Variants in CCDC186 observed in about 807,000 individuals in gnomAD.
CCDC186 encodes coiled-coil domain-containing protein 186.
A neutral mutation model predicts 113.7 loss-of-function variants in CCDC186; 49 were observed. The ratio of observed to expected loss-of-function variants is 0.43; its 90% CI spans 0.34 to 0.55. The LOEUF is 0.55. Among genes scored for constraint, CCDC186 ranks in the 20% least tolerant of loss-of-function variants. The pLI is 0.02. For synonymous variants in CCDC186, 355 were observed against 345.8 expected (o/e 1.03, Z -0.30); for missense variants, 890 against 1,011.1 (o/e 0.88, Z 1.62).
intron 1 of CCDC186, among the ~76,000 whole-genome samples, chr10:114,167,588 G>A (rs546651685): frequency 6.6e-6 from 1 of 152,024 alleles, no homozygotes; most frequent in Non-Finnish European, 1.5e-5. Flanking sequence ...AGCCGTCATC[G>A]AGGCTACTAA....
At chr10:114,131,734 A>C (rs1307882321) in intron 11 of CCDC186, among the ~76,000 whole-genome samples, 195 bp downstream of exon 11, 3 of 152,182 alleles carry the variant, frequency 2.0e-5, no homozygotes, top group Non-Finnish European at 4.4e-5. Flanking sequence ...TATTATTCAT[A>C]ATCATTTTAG....
Position 114,165,346 on chromosome 10 carries a change from TCAAA to T in CCDC186, c.-61-2021_-61-2018del, listed in dbSNP as rs371595009. 3.8e-3 allele frequency among the ~76,000 whole-genome samples: 586 copies of T among 152,332 alleles called. 3 individuals carry two copies. The highest frequency in any genetic ancestry group is 0.013 in the African/African-American group (548 of 41,580). On this transcript the variant is annotated intron_variant, in intron 1 of 15. Transcript: ENST00000369287. ...AATCTAGGACAAAATAAAATAATTC[TCAAA>T]CAGAGGCACTGCCACCTACATTACC... is the stretch of plus-strand genomic sequence containing the variant.
chr10:114,164,109 TATATA>T (rs1283623999), intron 1 of CCDC186, among the ~76,000 whole-genome samples: 9 of 133,310 alleles, frequency 6.8e-5, no homozygotes, highest in African/African-American at 2.3e-4. Flanking sequence ...TGTGTATATA[TATATA>T]TTTTTTTTTT....
chr10:114,137,323 T>TACAGCAA, intron 6 of CCDC186, 33 bp from the exon 7 acceptor site: 1 of 1,509,144 alleles, frequency 6.6e-7, no homozygotes, highest in Non-Finnish European at 9.2e-7. Context: ...CACAGTTGGG[T>TACAGCAA]ACAGCAACGT....
Position 114,122,413 on chromosome 10 carries a change from T to C in CCDC186, c.*2730A>G, listed in dbSNP as rs1470121056. 7 of 152,150 alleles carry C rather than the reference T, an allele frequency of 4.6e-5. No homozygotes were observed. The highest frequency in any genetic ancestry group is 7.4e-5 in the Non-Finnish European group (5 of 68,020). 9.4% of individuals were successfully genotyped at this position (152,150 alleles called of 1,614,324 possible). On this transcript the variant is annotated 3_prime_UTR_variant, in exon 16 of 16. Coordinates refer to ENST00000369287, the MANE Select transcript of CCDC186 (RefSeq NM_018017.4). Reference sequence around the variant, plus strand: ...AAACTAAACAGGCTAAAGTCTGAAGTGGTATGGGGAAAATGGAGTCATGGC... The same window carrying C: ...AAACTAAACAGGCTAAAGTCTGAAGCGGTATGGGGAAAATGGAGTCATGGC...
Position 114,124,499 on chromosome 10 carries a change from A to C in CCDC186, c.*644T>G, listed in dbSNP as rs1187242552. The C allele has an allele frequency of 6.6e-6, 1 of 152,208 alleles. No homozygotes were observed. Among genetic ancestry groups the C allele is most frequent in the Non-Finnish European group, 1.5e-5 (1 of 68,030 alleles). The allele number at this position is 152,208 out of a possible 1,614,324, so 9.4% of individuals were successfully genotyped here. ...ACTTTAAAAATTCAACCATTAACTC[A>C]AACAATCAGAATCTGAAAAAATGTA... is the stretch of plus-strand genomic sequence containing the variant. On this transcript the variant is annotated 3_prime_UTR_variant, in exon 16 of 16. Coordinates refer to ENST00000369287, the MANE Select transcript of CCDC186 (RefSeq NM_018017.4).
At chr10:114,169,231 ATTC>A (rs755716234) in intron 1 of CCDC186, among the ~76,000 whole-genome samples, 4 of 121,272 alleles carry the variant, frequency 3.3e-5, no homozygotes, top group Admixed American at 8.3e-5. Context: ...CTGTAGTACC[ATTC>A]TTTTTTTTTT....
At chr10:114,149,027 G>T (rs1397135871) in intron 4 of CCDC186, among the ~76,000 whole-genome samples, 5 of 152,144 alleles carry the variant, frequency 3.3e-5, no homozygotes, top group Non-Finnish European at 7.4e-5. Flanking sequence ...TTTTCTATAT[G>T]CTTGAAAATT....
intron 4 of CCDC186, among the ~76,000 whole-genome samples, chr10:114,148,229 T>A (rs1381515009): frequency 6.6e-6 from 1 of 152,196 alleles, no homozygotes; most frequent in East Asian, 1.9e-4. Context: ...ATAGATCAAC[T>A]GCAAAGGAAT....
chr10:114,126,182 A>T, intron 14 of CCDC186, 77 bp from the exon 15 acceptor site: 1 of 1,070,496 alleles, frequency 9.3e-7, no homozygotes, highest in South Asian at 1.4e-5. Flanking sequence ...TCAACTAATC[A>T]TAAAGATAAG....
chr10:114,154,617 A>T (rs2031955569), intron 3 of CCDC186, among the ~76,000 whole-genome samples: 1 of 152,204 alleles, frequency 6.6e-6, no homozygotes, highest in African/African-American at 2.4e-5. Flanking sequence ...CACAGGTAAA[A>T]TTCTTTAAAA....
intron 14 of CCDC186, among the ~76,000 whole-genome samples, chr10:114,126,862 T>C (rs1042934580): frequency 6.6e-6 from 1 of 152,208 alleles, no homozygotes; most frequent in Non-Finnish European, 1.5e-5. Flanking sequence ...ACAGAATTTG[T>C]GAGAGGAATT....
At chr10:114,127,113 A>C (rs1354103517) in intron 14 of CCDC186, among the ~76,000 whole-genome samples, 1 of 152,196 alleles carries the variant, frequency 6.6e-6, no homozygotes, top group East Asian at 1.9e-4. Flanking sequence ...CATCCTACCC[A>C]ACAGGAAAAA....
intron 4 of CCDC186, among the ~76,000 whole-genome samples, chr10:114,149,483 C>T (rs1392079943): frequency 6.9e-6 from 1 of 145,494 alleles, no homozygotes; most frequent in African/African-American, 2.5e-5. Flanking sequence ...ACACCAACTA[C>T]TATTTTATTT....
intron 2 of CCDC186, among the ~76,000 whole-genome samples, chr10:114,159,558 G>A (rs796740311): frequency 2.0e-5 from 3 of 146,576 alleles, no homozygotes; most frequent in African/African-American, 7.6e-5. Flanking sequence ...CAGGAAAATC[G>A]CTTGAACCTG....
intron 6 of CCDC186, 65 bp from the exon 7 acceptor site, chr10:114,137,355 G>A (rs1011780957): frequency 1.4e-5 from 15 of 1,102,456 alleles, no homozygotes; most frequent in Admixed American, 5.5e-5. Flanking sequence ...AGAAGTGACC[G>A]GCAAGTAGGA....
chr10:114,155,230 AATT>A, intron 3 of CCDC186, among the ~76,000 whole-genome samples: 1 of 152,352 alleles, frequency 6.6e-6, no homozygotes, highest in African/African-American at 2.4e-5. Context: ...GTGGAAAGTT[AATT>A]ATATCTCAAT....
chr10:114,127,694 T>C (rs886459372), intron 13 of CCDC186, 23 bp from the exon 14 acceptor site: 3 of 1,602,010 alleles, frequency 1.9e-6, no homozygotes, highest in African/African-American at 2.7e-5. Context: ...AAAATTGGTT[T>C]AGATACTGTG....
intron 1 of CCDC186, among the ~76,000 whole-genome samples, chr10:114,164,401 GGGTGAGCCA>G (rs1382847868): frequency 2.0e-5 from 3 of 151,880 alleles, no homozygotes; most frequent in African/African-American, 4.8e-5. Flanking sequence ...GGAATTACAG[GGGTGAGCCA>G]CCGCACCCGG....
Sources: allele counts gnomAD v4.1 joint callset (sites outside exome capture counted in the v4.1 genomes callset), GRCh38; gene constraint gnomAD v4.1.1; transcripts MANE v1.5; gene names NCBI Gene and HGNC (gene_info 2026-07-23, HGNC 2026-07-21).